BAZ1A: variants seen among roughly 807,000 people sequenced by gnomAD.
BAZ1A encodes bromodomain adjacent to zinc finger domain protein 1A.
A neutral mutation model predicts 185.2 loss-of-function variants in BAZ1A; 50 were observed. The observed-to-expected ratio is 0.27, with a 90% CI of 0.22 to 0.34. The LOEUF (loss-of-function observed/expected upper bound fraction) is 0.34. Ranked by LOEUF, BAZ1A falls within the 10% of genes least tolerant of loss-of-function variation. The probability of loss-of-function intolerance (pLI) is 1.00; values close to 1 mark genes in which losing one functional copy is unlikely to be tolerated. For synonymous variants in BAZ1A, 571 were observed against 615.6 expected, an observed-to-expected ratio of 0.93 and a Z score of 1.07; for missense variants, 1,356 against 1,839.9, an observed-to-expected ratio of 0.74 and a Z score of 4.81.
chr14:34,875,158 A>T lies in BAZ1A; in HGVS notation c.-79T>A, dbSNP rs1233142201. ...CTCACCTGCGATCACGCCGACTGCC[A>T]CTTGTCCACCTTCTCCACTACAAAG... On this transcript the variant is annotated 5_prime_UTR_variant, in exon 1 of 27. Coordinates refer to ENST00000360310, the MANE Select transcript of BAZ1A (RefSeq NM_013448.3). 1 of 417,138 alleles carries T rather than the reference A, an allele frequency of 2.4e-6. No individual in the cohort carries two copies. Among genetic ancestry groups the T allele is most frequent in the East Asian group, 7.3e-5 (1 of 13,682 alleles). The allele number at this position is 417,138 out of a possible 1,614,324, so 25.8% of individuals were successfully genotyped here.
In BAZ1A at chr14:34,776,419, A is replaced by G; in HGVS notation, c.2333T>C (p.Leu778Ser). 1.9e-6 allele frequency: 3 copies of G among 1,614,004 alleles called. No homozygotes were observed. In the South Asian group the frequency reaches 3.3e-5, roughly 18 times the overall value. ...CTCTTTTCGTTGGTGTTCCTGTTTT[A>G]ATGCTTCTTCCTCATCAGCAGTAAG... is the stretch of plus-strand genomic sequence containing the variant. ...EPLTADEEEA[L>S]KQEHQRKEKE... Residue 778 changes from leucine (L) to serine (S), a missense_variant, in exon 18 of 27, where the codon TTA (leucine) becomes TCA (serine). Around this residue, in one of 7 missense-constraint regions of BAZ1A, gnomAD observed 434 missense variants for 561.7 expected, o/e 0.77. Coordinates refer to ENST00000360310, the MANE Select transcript of BAZ1A (RefSeq NM_013448.3).
At position 34,776,314 on chromosome 14, in the gene BAZ1A, C is replaced by T. The variant is rs1160969802; in HGVS notation, c.2438G>A (p.Arg813Gln). The T allele has an allele frequency of 1.2e-6, 2 of 1,613,982 alleles. No individual in the cohort carries two copies. The highest frequency in any genetic ancestry group is 1.1e-5 in the South Asian group (1 of 91,072). ...FPLGRDRMYR[R>Q]YWIFPSIPGL... The stretch of plus-strand genomic sequence containing the variant: ...AGGAATAGAAGGGAAAATCCAGTAT[C>T]GTCTATACATGCGGTCGCGACCCAA... Residue 813 changes from arginine (R) to glutamine (Q), a missense_variant, in exon 18 of 27, where the codon CGA (arginine) becomes CAA (glutamine). Arg to Gln is a conservative substitution (Grantham distance 43, BLOSUM62 1). Coordinates refer to ENST00000360310, the MANE Select transcript of BAZ1A (RefSeq NM_013448.3).
At chr14:34,763,538 C>G (rs1878582308) in intron 23 of BAZ1A, among the ~76,000 whole-genome samples, 1 of 152,062 alleles carries the variant, frequency 6.6e-6, no homozygotes, top group Non-Finnish European at 1.5e-5. Context: ...GTAGATCTGT[C>G]TAGCTTATAG....
chr14:34,823,091 C>T (rs1594875734), intron 4 of BAZ1A, among the ~76,000 whole-genome samples: 1 of 152,158 alleles, frequency 6.6e-6, no homozygotes, highest in Non-Finnish European at 1.5e-5. Context: ...TGGTGGCTCA[C>T]GCCTGTAATC....
chr14:34,753,539 G>A lies in BAZ1A; in HGVS notation c.4640C>T (p.Thr1547Ile), dbSNP rs199776989. The A allele has an allele frequency of 1.2e-6, 2 of 1,614,106 alleles. No individual in the cohort carries two copies. Residue 1547 changes from threonine (T) to isoleucine (I), a missense_variant, in exon 27 of 27, where the codon ACA becomes ATA. This residue lies in a region of BAZ1A where 25 missense variants were observed against 20.1 expected (regional missense o/e 1.24). Coordinates refer to ENST00000360310, the MANE Select transcript of BAZ1A (RefSeq NM_013448.3). Reference protein sequence around the residue: ...VTPSNVDQVSTPPAAKKSRI With the variant: ...VTPSNVDQVSIPPAAKKSRI ...TCGTGACTTTTTCGCAGCCGGTGGT[G>A]TGCTAACTTGGTCCACATTACTGGG...
chr14:34,864,045 C>T (rs2042814628), intron 2 of BAZ1A, among the ~76,000 whole-genome samples: 1 of 151,958 alleles, frequency 6.6e-6, no homozygotes, highest in South Asian at 2.1e-4. Context: ...ATGGTCTCAA[C>T]TTCCTGGGCT....
intron 3 of BAZ1A, among the ~76,000 whole-genome samples, chr14:34,852,622 AAAAAT>A (rs1282841606): frequency 6.6e-6 from 1 of 152,176 alleles, no homozygotes; most frequent in African/African-American, 2.4e-5. Context: ...CTGTCTCAAA[AAAAAT>A]AAAATAAAGT....
chr14:34,791,801 C>A (rs778238724), intron 12 of BAZ1A, among the ~76,000 whole-genome samples: 2 of 152,140 alleles, frequency 1.3e-5, no homozygotes, highest in Non-Finnish European at 2.9e-5. Flanking sequence ...TTCAGGAGGC[C>A]AAATCAATCT....
chr14:34,798,541 T>G (rs1881331391), intron 9 of BAZ1A, among the ~76,000 whole-genome samples: 1 of 152,190 alleles, frequency 6.6e-6, no homozygotes, highest in South Asian at 2.1e-4. Flanking sequence ...GCTCCACTGG[T>G]GATACCCAGG....
chr14:34,824,828 T>C (rs534742539), intron 4 of BAZ1A, among the ~76,000 whole-genome samples: 2 of 152,200 alleles, frequency 1.3e-5, no homozygotes, highest in African/African-American at 4.8e-5. Flanking sequence ...TCACTAAAAA[T>C]AGGAAACCAA....
At chr14:34,759,446 G>A (rs977896158) in intron 24 of BAZ1A, among the ~76,000 whole-genome samples, 17 of 151,910 alleles carry the variant, frequency 1.1e-4, no homozygotes, top group South Asian at 2.1e-4. Flanking sequence ...TGATCTGCCC[G>A]CCTCGGCCTC....
chr14:34,758,635 C>T, intron 25 of BAZ1A, 69 bp downstream of exon 25: 2 of 1,513,150 alleles, frequency 1.3e-6, no homozygotes, highest in East Asian at 4.6e-5. Context: ...GTTTTGACTA[C>T]TTCAAAGTTA....
At chr14:34,787,147 G>A (rs1880512720) in intron 12 of BAZ1A, among the ~76,000 whole-genome samples, 1 of 148,296 alleles carries the variant, frequency 6.7e-6, no homozygotes, top group Non-Finnish European at 1.5e-5. Flanking sequence ...GAGGTCAAGA[G>A]ATTGAGAACA....
At chr14:34,812,106 G>T (rs1390698320) in intron 4 of BAZ1A, among the ~76,000 whole-genome samples, 2 of 152,078 alleles carry the variant, frequency 1.3e-5, no homozygotes, top group African/African-American at 4.8e-5. Flanking sequence ...CAGGAGAAGT[G>T]ATAAGTGCTA....
At position 34,845,273 on chromosome 14, in the gene BAZ1A, T is replaced by TC. The variant is rs773520886; in HGVS notation, c.392+16770dup. 18 of 87,748 alleles carry TC rather than the reference T, an allele frequency of 2.1e-4. No homozygotes were observed. The South Asian group carries it at 7.4e-3, about 36-fold the overall frequency. 5.4% of individuals were successfully genotyped at this position (87,748 alleles called of 1,614,324 possible). A position where few individuals can be genotyped will look rare whatever the true frequency, so the allele number is the denominator to read the frequency against. On this transcript the variant is annotated intron_variant, in intron 3 of 26. Transcript: ENST00000360310. ...TATTTCTCTTAATTCTTCAACTTTT[T>TC]CTTTTTTTTTTTTTTTGGAGGGGAA... is the stretch of plus-strand genomic sequence containing the variant.
intron 6 of BAZ1A, among the ~76,000 whole-genome samples, chr14:34,803,545 A>C (rs916742032): frequency 1.3e-5 from 2 of 152,210 alleles, no homozygotes; most frequent in African/African-American, 4.8e-5. Context: ...AAATACCTCA[A>C]GAATGGTTGT....
Position 34,776,427 on chromosome 14 carries a change from T to G in BAZ1A, c.2325A>C (p.Glu775Asp). 6.2e-7 allele frequency: 1 copy of G among 1,614,026 alleles called. No individual in the cohort carries two copies. Among genetic ancestry groups the G allele is most frequent in the Non-Finnish European group, 8.5e-7 (1 of 1,180,032 alleles). The change falls in exon 18 of 27, where the codon GAA becomes GAC. Residue 775 changes from glutamate to aspartate, a missense_variant. Glu to Asp is a conservative substitution (Grantham distance 45). Transcript: ENST00000360310. The part of the protein sequence containing the change: ...VTREPLTADE[E>D]EALKQEHQRK... ...GTTGGTGTTCCTGTTTTAATGCTTC[T>G]TCCTCATCAGCAGTAAGAGGCTCTC...
intron 3 of BAZ1A, among the ~76,000 whole-genome samples, chr14:34,855,955 TAAGAAA>T (rs1453442655): frequency 2.0e-5 from 3 of 152,028 alleles, no homozygotes; most frequent in Admixed American, 1.3e-4. Flanking sequence ...ATTGCACACT[TAAGAAA>T]AAGAACAAAA....
intron 4 of BAZ1A, among the ~76,000 whole-genome samples, chr14:34,818,074 G>C (rs1230831334): frequency 2.0e-5 from 3 of 152,036 alleles, no homozygotes; most frequent in African/African-American, 4.8e-5. Flanking sequence ...GTAACCAAAA[G>C]GTGGAAACAA....
Sources: allele counts gnomAD v4.1 joint callset (sites outside exome capture counted in the v4.1 genomes callset), GRCh38; gene constraint gnomAD v4.1.1; regional missense constraint gnomAD v4.1.1; transcripts MANE v1.5; gene names NCBI Gene and HGNC (gene_info 2026-07-23, HGNC 2026-07-21).